The following FSTL5 variants were observed in gnomAD, a reference collection of about 807,000 sequenced individuals.
The protein encoded by FSTL5 is follistatin-related protein 5.
A neutral mutation model predicts 89.1 loss-of-function variants in FSTL5; 62 were observed. The observed-to-expected ratio is 0.70, with a 90% confidence interval of 0.57 to 0.86. The LOEUF is 0.86. FSTL5 is among the 40% of genes least tolerant of loss of function. The probability of loss-of-function intolerance (pLI) is 0.00; values close to 1 mark genes in which losing one functional copy is unlikely to be tolerated. For synonymous variants in FSTL5, 383 were observed against 346.2 expected (o/e 1.11, Z -1.18); for missense variants, 1,057 against 1,001.6 (o/e 1.06, Z -0.75).
chr4:162,098,761 T>C (rs1730868969), intron 2 of FSTL5, among the ~76,000 whole-genome samples: 1 of 151,846 alleles, frequency 6.6e-6, no homozygotes, highest in Non-Finnish European at 1.5e-5. Flanking sequence ...AGTCCAGAAA[T>C]AAAATCACAT....
chr4:161,637,639 T>C (rs1391028103), intron 7 of FSTL5, among the ~76,000 whole-genome samples: 1 of 117,506 alleles, frequency 8.5e-6, no homozygotes, highest in Non-Finnish European at 1.7e-5. Context: ...TTGATTTTTG[T>C]ATAAGGTGTA....
chr4:161,535,585 G>A lies in FSTL5; in HGVS notation c.1312+2581C>T, dbSNP rs560865668. Among the ~76,000 whole-genome samples, 22 of 152,076 alleles carry A rather than the reference G, an allele frequency of 1.4e-4. No homozygotes were observed. The East Asian group carries it at 3.3e-3, about 23-fold the overall frequency. Reference sequence around the variant, plus strand: ...GCTATTATTAAAAAGTCAAAAAACAGTAGATCCTGGCAAGGTTATGGAGAA... The same window carrying A: ...GCTATTATTAAAAAGTCAAAAAACAATAGATCCTGGCAAGGTTATGGAGAA... On this transcript the variant is annotated intron_variant, in intron 10 of 15. Transcript: ENST00000306100.
chr4:161,547,720 C>T (rs1437198074), intron 8 of FSTL5, among the ~76,000 whole-genome samples: 1 of 151,716 alleles, frequency 6.6e-6, no homozygotes, highest in African/African-American at 2.4e-5. Context: ...AGTCATTTAC[C>T]TTTGGAAAAC....
chr4:161,823,436 GC>G (rs1460361053), intron 4 of FSTL5, among the ~76,000 whole-genome samples: 2 of 152,200 alleles, frequency 1.3e-5, no homozygotes, highest in Non-Finnish European at 2.9e-5. Context: ...TGTCAGCACA[GC>G]CCCGAGTTCA....
At chr4:161,566,098 G>C in intron 8 of FSTL5, among the ~76,000 whole-genome samples, 1 of 28,874 alleles carries the variant, frequency 3.5e-5, no homozygotes, top group Non-Finnish European at 6.2e-5. Flanking sequence ...TTTTTTTTTG[G>C]ACTATATATA....
intron 8 of FSTL5, among the ~76,000 whole-genome samples, chr4:161,559,307 C>T (rs1732503089): frequency 6.6e-6 from 1 of 151,672 alleles, no homozygotes; most frequent in Admixed American, 6.6e-5. Flanking sequence ...AAAATAACTG[C>T]TGTTTCCTTC....
intron 6 of FSTL5, among the ~76,000 whole-genome samples, chr4:161,668,482 G>A (rs1162422907): frequency 6.6e-6 from 1 of 152,138 alleles, no homozygotes; most frequent in Non-Finnish European, 1.5e-5. Context: ...TCTTTCACAA[G>A]ATAGCAGAAG....
intron 7 of FSTL5, among the ~76,000 whole-genome samples, chr4:161,632,963 T>A (rs1489676907): frequency 6.6e-6 from 1 of 152,132 alleles, no homozygotes; most frequent in African/African-American, 2.4e-5. Context: ...TTTAATATAT[T>A]TTTTGTTCAC....
intron 3 of FSTL5, among the ~76,000 whole-genome samples, chr4:161,941,991 C>T (rs1734601409): frequency 6.6e-6 from 1 of 151,690 alleles, no homozygotes; most frequent in Non-Finnish European, 1.5e-5. Context: ...AGAGAAAAAC[C>T]TGGACTATTC....
chr4:161,826,368 G>A (rs1045081903), intron 4 of FSTL5, among the ~76,000 whole-genome samples: 1 of 152,084 alleles, frequency 6.6e-6, no homozygotes, highest in African/African-American at 2.4e-5. Context: ...TTGGTAGAAT[G>A]TTCTATAAAT....
At chr4:161,541,990 C>T (rs924389559) in intron 9 of FSTL5, among the ~76,000 whole-genome samples, 4 of 151,868 alleles carry the variant, frequency 2.6e-5, no homozygotes, top group South Asian at 4.1e-4. Flanking sequence ...CATGTCTACA[C>T]ATTAGAAGAT....
intron 4 of FSTL5, among the ~76,000 whole-genome samples, chr4:161,806,257 G>C (rs1729962055): frequency 2.6e-5 from 4 of 152,224 alleles, no homozygotes; most frequent in South Asian, 4.1e-4. Context: ...GAGTTTCTTT[G>C]AGTTAGACAG....
intron 6 of FSTL5, among the ~76,000 whole-genome samples, chr4:161,685,431 G>A (rs935179589): frequency 6.6e-6 from 1 of 152,106 alleles, no homozygotes; most frequent in Non-Finnish European, 1.5e-5. Flanking sequence ...TTTCAGTGGT[G>A]TTTTGTAGTT....
chr4:161,396,773 C>A (rs550550223), intron 15 of FSTL5, among the ~76,000 whole-genome samples: 1 of 149,946 alleles, frequency 6.7e-6, no homozygotes, highest in Non-Finnish European at 1.5e-5. Context: ...AAAAGCTATA[C>A]CCATTTTATA....
intron 15 of FSTL5, among the ~76,000 whole-genome samples, chr4:161,438,632 A>C (rs1732654146): frequency 2.0e-5 from 3 of 152,210 alleles, no homozygotes; most frequent in Admixed American, 2.0e-4. Context: ...TCTATAATTC[A>C]TAAAAGTAAA....
At chr4:161,485,608 G>A (rs572850979) in intron 12 of FSTL5, among the ~76,000 whole-genome samples, 4 of 152,134 alleles carry the variant, frequency 2.6e-5, no homozygotes, top group South Asian at 4.2e-4. Context: ...ATTTGCATAC[G>A]TGAACACGAA....
Position 161,783,715 on chromosome 4 carries a change from CTTTCTTTCTTCTTTTCT to C in FSTL5, c.410-7658_410-7642del, listed in dbSNP as rs1560843759. Among the ~76,000 whole-genome samples, 211 of 26,252 alleles carry C rather than the reference CTTTCTTTCTTCTTTTCT, an allele frequency of 8.0e-3. 78 individuals carry two copies. Among genetic ancestry groups the C allele is most frequent in the Admixed American group, 0.012 (22 of 1,868 alleles). 17.2% of individuals were successfully genotyped at this position (26,252 alleles called of 152,430 possible). A position where few individuals can be genotyped will look rare whatever the true frequency, so the allele number is the denominator to read the frequency against. ...TCTTTCTTTCTTTCTTTCTTTCTTT[CTTTCTTTCTTCTTTTCT>C]TTTCTTTCTTTCTTTCTTTCTTTCT... On this transcript the variant is annotated intron_variant, in intron 4 of 15. Coordinates refer to ENST00000306100, the MANE Select transcript of FSTL5 (RefSeq NM_020116.5).
At chr4:161,808,479 T>G (rs1730039189) in intron 4 of FSTL5, among the ~76,000 whole-genome samples, 1 of 152,062 alleles carries the variant, frequency 6.6e-6, no homozygotes, top group Non-Finnish European at 1.5e-5. Context: ...GACTTTACCT[T>G]TACCATAAAC....
chr4:161,662,950 T>C (rs916016518), intron 6 of FSTL5, among the ~76,000 whole-genome samples: 1 of 152,036 alleles, frequency 6.6e-6, no homozygotes, highest in African/African-American at 2.4e-5. Context: ...AAGGCACTTC[T>C]TACATGGCAG....
Sources: gnomAD v4.1 joint callset for allele counts (sites outside exome capture counted in the v4.1 genomes callset) on GRCh38, gnomAD v4.1.1 for gene constraint, MANE v1.5 for transcripts, NCBI Gene and HGNC (gene_info 2026-07-23, HGNC 2026-07-21) for gene names.